GALNT13: variants seen among roughly 807,000 people sequenced by gnomAD.
The protein encoded by GALNT13 is UDP-GalNAc:polypeptide N-acetylgalactosaminyltransferase 13.
In GALNT13, 28 loss-of-function variants were observed where a neutral mutation model predicts 64.2. The observed-to-expected ratio is 0.44, with a 90% CI of 0.32 to 0.60. The LOEUF is 0.60. Among genes scored for constraint, GALNT13 ranks in the 20% least tolerant of loss-of-function variants. The probability of loss-of-function intolerance (pLI) is 0.05; values close to 1 mark genes in which losing one functional copy is unlikely to be tolerated. For synonymous variants in GALNT13, 214 were observed against 224.6 expected (o/e 0.95, Z 0.42); for missense variants, 577 against 669.8 (o/e 0.86, Z 1.53).
At chr2:154,298,161 A>G (rs1256847393) in intron 8 of GALNT13, among the ~76,000 whole-genome samples, 1 of 151,878 alleles carries the variant, frequency 6.6e-6, no homozygotes, top group African/African-American at 2.4e-5. Context: ...ATTTAAAGTA[A>G]AAATGGATAA....
the GALNT13 span, among the ~76,000 whole-genome samples, chr2:153,572,556 C>T: frequency 6.6e-6 from 1 of 151,460 alleles, no homozygotes; most frequent in African/African-American, 2.4e-5. Flanking sequence ...AAGTTTCTCC[C>T]CCTCTTTGAT....
chr2:153,231,562 C>T, the GALNT13 span, among the ~76,000 whole-genome samples: 13 of 152,270 alleles, frequency 8.5e-5, 1 homozygote, highest in South Asian at 2.3e-3. Context: ...TGTATATACT[C>T]ATAACAGCAT....
chr2:153,553,863 C>T, the GALNT13 span, among the ~76,000 whole-genome samples: 1 of 152,070 alleles, frequency 6.6e-6, no homozygotes, highest in Non-Finnish European at 1.5e-5. Context: ...GCTGAGGCTA[C>T]AGGGGCTCTG....
chr2:154,357,687 T>C (rs13001607), intron 9 of GALNT13, among the ~76,000 whole-genome samples: 9,985 of 152,066 alleles, frequency 0.066, 333 homozygotes, highest in East Asian at 0.11. Context: ...AGGATATGGG[T>C]CAAGGGATGA....
chr2:153,919,879 A>C (rs988430744), intron 2 of GALNT13, among the ~76,000 whole-genome samples: 1 of 150,952 alleles, frequency 6.6e-6, no homozygotes, highest in African/African-American at 2.4e-5. Context: ...GAACAACTGG[A>C]GTTAACTGGG....
chr2:153,572,502 T>C, the GALNT13 span, among the ~76,000 whole-genome samples: 1 of 151,928 alleles, frequency 6.6e-6, no homozygotes, highest in Admixed American at 6.6e-5. Context: ...TGGTTTGCTC[T>C]CTTTTTTAAG....
At chr2:154,020,269 C>T (rs1171197000) in intron 3 of GALNT13, among the ~76,000 whole-genome samples, 5 of 152,134 alleles carry the variant, frequency 3.3e-5, no homozygotes, top group Non-Finnish European at 7.3e-5. Flanking sequence ...CCTGAGGAAT[C>T]GCCACACCGA....
chr2:153,277,631 G>C, the GALNT13 span, among the ~76,000 whole-genome samples: 1 of 152,098 alleles, frequency 6.6e-6, no homozygotes, highest in African/African-American at 2.4e-5. Flanking sequence ...TATCTAAGCT[G>C]TTTTCCATGG....
chr2:154,010,039 T>A (rs1039111180), intron 3 of GALNT13, among the ~76,000 whole-genome samples: 5 of 152,218 alleles, frequency 3.3e-5, no homozygotes, highest in Non-Finnish European at 5.9e-5. Flanking sequence ...AAGTGTTTTT[T>A]AATCAAATTT....
intron 12 of GALNT13, among the ~76,000 whole-genome samples, chr2:154,445,036 T>G (rs1182509602): frequency 6.6e-6 from 1 of 151,980 alleles, no homozygotes; most frequent in East Asian, 1.9e-4. Context: ...AACAGTATAC[T>G]GAGAAAAAAA....
chr2:154,108,552 T>C (rs1406800184), intron 3 of GALNT13, among the ~76,000 whole-genome samples: 2 of 152,146 alleles, frequency 1.3e-5, no homozygotes, highest in Non-Finnish European at 2.9e-5. Context: ...ACACTGTTAA[T>C]TGTCTTCTAT....
At chr2:153,317,863 T>C in the GALNT13 span, among the ~76,000 whole-genome samples, 1 of 152,132 alleles carries the variant, frequency 6.6e-6, no homozygotes, top group Middle Eastern at 3.2e-3. Flanking sequence ...TTTTGTCTTA[T>C]GGGAAAGAGA....
intron 1 of GALNT13, among the ~76,000 whole-genome samples, chr2:153,887,472 C>T (rs991439600): frequency 1.3e-5 from 2 of 151,036 alleles, no homozygotes; most frequent in Non-Finnish European, 3.0e-5. Context: ...GGACTGAAGC[C>T]AAGTGAAGTA....
chr2:153,601,124 A>T, the GALNT13 span, among the ~76,000 whole-genome samples: 1 of 151,936 alleles, frequency 6.6e-6, no homozygotes. Flanking sequence ...CAGTATATTC[A>T]AACATACATA....
chr2:153,986,329 A>G (rs1298082486), intron 3 of GALNT13, among the ~76,000 whole-genome samples: 3 of 152,022 alleles, frequency 2.0e-5, no homozygotes, highest in Non-Finnish European at 4.4e-5. Context: ...CTCATTTAAA[A>G]CAAAAGAGAA....
the GALNT13 span, among the ~76,000 whole-genome samples, chr2:153,712,608 C>T: frequency 6.6e-6 from 1 of 152,104 alleles, no homozygotes; most frequent in Non-Finnish European, 1.5e-5. Context: ...GTGTTAAAAC[C>T]TGTTTCTCTT....
the GALNT13 span, among the ~76,000 whole-genome samples, chr2:153,846,639 T>C: frequency 6.6e-6 from 1 of 152,144 alleles, no homozygotes; most frequent in South Asian, 2.1e-4. Flanking sequence ...CTCATAAAGA[T>C]ATGAAAATAC....
intron 9 of GALNT13, among the ~76,000 whole-genome samples, chr2:154,341,450 A>G (rs1316170076): frequency 6.6e-6 from 1 of 152,140 alleles, no homozygotes; most frequent in Non-Finnish European, 1.5e-5. Flanking sequence ...ATCCATAATC[A>G]GGGAAGGCCT....
At chr2:153,980,696 A>G (rs751014991) in intron 3 of GALNT13, among the ~76,000 whole-genome samples, 1 of 152,124 alleles carries the variant, frequency 6.6e-6, no homozygotes, top group Non-Finnish European at 1.5e-5. Flanking sequence ...AAAATTGAAA[A>G]TTCTTATTTT....
Sources: gnomAD v4.1 joint callset for allele counts (sites outside exome capture counted in the v4.1 genomes callset) on GRCh38, gnomAD v4.1.1 for gene constraint, MANE v1.5 for transcripts, NCBI Gene and HGNC (gene_info 2026-07-23, HGNC 2026-07-21) for gene names.